Variants in GREB1L observed in about 807,000 individuals in gnomAD.
GREB1L encodes the protein GREB1 like retinoic acid receptor coactivator, also known as GREB1-like protein.
In GREB1L, 17 loss-of-function variants were observed where a neutral mutation model predicts 200.8. The observed-to-expected ratio is 0.08, with a 90% CI of 0.06 to 0.13. GREB1L has a LOEUF of 0.13. Among genes scored for constraint, GREB1L ranks in the 10% least tolerant of loss-of-function variants. The pLI is 1.00. For synonymous variants in GREB1L, 789 were observed against 893.0 expected (o/e 0.88, Z 2.08); for missense variants, 1,657 against 2,367.7 (o/e 0.70, Z 6.23).
chr18:21,435,077 T>G (rs2033451366), intron 7 of GREB1L: 1 of 152,628 alleles, frequency 6.6e-6, no homozygotes, highest in Non-Finnish European at 1.5e-5. Flanking sequence ...TTGCTGCAGG[T>G]GATGTTTTCC....
intron 2 of GREB1L, among the ~76,000 whole-genome samples, chr18:21,376,628 C>A (rs1324057977): frequency 6.6e-6 from 1 of 150,946 alleles, no homozygotes; most frequent in African/African-American, 2.4e-5. Flanking sequence ...CACGGTGAAA[C>A]CCCATCTCTA....
chr18:21,374,063 A>G (rs938292172), intron 2 of GREB1L, among the ~76,000 whole-genome samples: 11 of 151,730 alleles, frequency 7.2e-5, no homozygotes, highest in Non-Finnish European at 1.3e-4. Context: ...GTGCAGTGGC[A>G]CAACCACACT....
At chr18:21,426,802 C>CA (rs547229388) in intron 7 of GREB1L, among the ~76,000 whole-genome samples, 12 of 151,384 alleles carry the variant, frequency 7.9e-5, no homozygotes, top group Non-Finnish European at 1.3e-4. Context: ...ACTGAAAATA[C>CA]AAAAAAATTA....
intron 29 of GREB1L, among the ~76,000 whole-genome samples, chr18:21,516,373 G>A (rs1418869028): frequency 1.3e-5 from 2 of 152,100 alleles, no homozygotes; most frequent in Non-Finnish European, 2.9e-5. Context: ...TTTTTGCATA[G>A]GGATACCTAA....
At chr18:21,497,800 C>T (rs2036604166) in intron 21 of GREB1L, among the ~76,000 whole-genome samples, 1 of 138,828 alleles carries the variant, frequency 7.2e-6, no homozygotes, top group Non-Finnish European at 1.6e-5. Flanking sequence ...GCCCCTCCTT[C>T]TCCCCTCACC....
At chr18:21,384,136 C>A in intron 3 of GREB1L, 70 bp from the exon 4 acceptor site, 1 of 1,076,906 alleles carries the variant, frequency 9.3e-7, no homozygotes, top group Non-Finnish European at 1.4e-6. Context: ...TCAATTATGT[C>A]TTTCAGAACT....
rs2037005347 is a variant in GREB1L, at chr18:21,506,097, G to A, written c.4368+148G>A. On this transcript the variant is annotated intron_variant, in intron 25 of 32. Coordinates refer to ENST00000424526, the MANE Select transcript of GREB1L (RefSeq NM_001142966.3). ...TCATAAGAAGGAGCCACTCATTGGT[G>A]AGAAAAATGCATGAAGGCTGGGCGC... 5.6e-6 allele frequency: 5 copies of A among 892,536 alleles called. No homozygotes were observed. In the South Asian group the frequency reaches 8.6e-5, roughly 15 times the overall value. 55.3% of individuals were successfully genotyped at this position (892,536 alleles called of 1,614,324 possible).
chr18:21,482,215 G>A (rs2035947840), intron 17 of GREB1L, among the ~76,000 whole-genome samples: 1 of 152,134 alleles, frequency 6.6e-6, no homozygotes, highest in Non-Finnish European at 1.5e-5. Context: ...ATATTTTTGA[G>A]GCGTTCCCTT....
intron 5 of GREB1L, among the ~76,000 whole-genome samples, chr18:21,400,763 C>T (rs2041284936): frequency 6.6e-6 from 1 of 152,162 alleles, no homozygotes; most frequent in African/African-American, 2.4e-5. Flanking sequence ...GGCAGAGAAC[C>T]AGGGTGAGGA....
In GREB1L at chr18:21,449,840, A is replaced by T; in HGVS notation, c.1720+4A>T. The T allele has an allele frequency of 6.7e-7, 1 of 1,491,814 alleles. No individual in the cohort carries two copies. Among genetic ancestry groups the T allele is most frequent in the Non-Finnish European group, 8.9e-7 (1 of 1,118,980 alleles). 92.4% of individuals were successfully genotyped at this position (1,491,814 alleles called of 1,614,324 possible). ...GAATTTTGTGTGGTAGTGTTAGGTG[A>T]GTAATTTTTTTGTTTTTTGTTTGTT... On this transcript the variant is annotated splice_donor_region_variant and intron_variant, in intron 12 of 32. Transcript: ENST00000424526.
intron 1 of GREB1L, among the ~76,000 whole-genome samples, chr18:21,307,808 T>C (rs2038726376): frequency 6.6e-6 from 1 of 151,938 alleles, no homozygotes; most frequent in African/African-American, 2.4e-5. Flanking sequence ...CCTTGTGGGG[T>C]TGCCTTGGGC....
intron 1 of GREB1L, among the ~76,000 whole-genome samples, chr18:21,320,721 G>A (rs563636673): frequency 9.3e-5 from 14 of 150,806 alleles, no homozygotes; most frequent in Admixed American, 2.6e-4. Flanking sequence ...AGCTGAGATC[G>A]CGCCACTGCA....
At chr18:21,501,570 T>A (rs1446392018) in intron 23 of GREB1L, among the ~76,000 whole-genome samples, 1 of 152,210 alleles carries the variant, frequency 6.6e-6, no homozygotes, top group Admixed American at 6.5e-5. Flanking sequence ...AACTCATTCT[T>A]TTTTATGGCT....
intron 7 of GREB1L, among the ~76,000 whole-genome samples, chr18:21,438,830 G>T (rs2033710574): frequency 6.6e-6 from 1 of 151,118 alleles, no homozygotes; most frequent in South Asian, 2.1e-4. Flanking sequence ...GCATGGTGGT[G>T]GGCGCCTGTA....
chr18:21,470,431 A>AT (rs1309141335), intron 15 of GREB1L, among the ~76,000 whole-genome samples: 1 of 152,184 alleles, frequency 6.6e-6, no homozygotes, highest in African/African-American at 2.4e-5. Flanking sequence ...CATTTTCTCC[A>AT]TAAAGGTCTT....
chr18:21,344,507 C>G (rs1237696030), intron 1 of GREB1L, among the ~76,000 whole-genome samples: 1 of 152,222 alleles, frequency 6.6e-6, no homozygotes, highest in African/African-American at 2.4e-5. Context: ...TCTGATCTCA[C>G]AGATGTTGTA....
intron 1 of GREB1L, among the ~76,000 whole-genome samples, chr18:21,336,188 G>GA (rs934652208): frequency 3.9e-5 from 6 of 151,916 alleles, no homozygotes; most frequent in South Asian, 2.1e-4. Flanking sequence ...CATTTGTAAA[G>GA]AAAAAAAGAA....
intron 32 of GREB1L, among the ~76,000 whole-genome samples, chr18:21,521,264 G>A (rs574975007): frequency 2.6e-5 from 4 of 151,882 alleles, no homozygotes; most frequent in Admixed American, 2.0e-4. Context: ...CCAGCTACTC[G>A]GGAGGCTGAG....
intron 7 of GREB1L, among the ~76,000 whole-genome samples, chr18:21,408,053 C>G (rs1350840790): frequency 2.0e-5 from 3 of 152,066 alleles, no homozygotes; most frequent in African/African-American, 7.2e-5. Flanking sequence ...TGTTTGATAG[C>G]AGAGCAGCAT....
Sources: gnomAD v4.1 joint callset for allele counts (sites outside exome capture counted in the v4.1 genomes callset) on GRCh38, gnomAD v4.1.1 for gene constraint, MANE v1.5 for transcripts, NCBI Gene and HGNC (gene_info 2026-07-23, HGNC 2026-07-21) for gene names.